NOL4L: variants seen among roughly 807,000 people sequenced by gnomAD.
NOL4L encodes nucleolar protein 4-like.
A neutral mutation model predicts 64.5 loss-of-function variants in NOL4L; 7 were observed. That is an observed-to-expected ratio of 0.11 (90% CI 0.06 to 0.20). The LOEUF is 0.20. Ranked by LOEUF, NOL4L falls within the 10% of genes least tolerant of loss-of-function variation. The probability of loss-of-function intolerance (pLI) is 1.00; values close to 1 mark genes in which losing one functional copy is unlikely to be tolerated. For synonymous variants in NOL4L, 413 were observed against 401.0 expected, an observed-to-expected ratio of 1.03 and a Z score of -0.36; for missense variants, 680 against 967.1, an observed-to-expected ratio of 0.70 and a Z score of 3.94.
rs551428318 is a variant in NOL4L at position 32,465,178 on chromosome 20, C to T, written c.842-8783G>A. On this transcript the variant is annotated intron_variant, in intron 5 of 10. Transcript: ENST00000621426. ...TGGACACCAATTATGCGTCAGGTCCCGAGTGTCAGGCGGCGGGTAACTCAT... is the reference window on the plus strand; with the variant it reads ...TGGACACCAATTATGCGTCAGGTCCTGAGTGTCAGGCGGCGGGTAACTCAT... 319 of 463,426 alleles carry T rather than the reference C, an allele frequency of 6.9e-4. 2 individuals are homozygous for T. The highest frequency in any genetic ancestry group is 5.4e-3 in the African/African-American group (263 of 49,018). 28.7% of individuals were successfully genotyped at this position (463,426 alleles called of 1,614,324 possible). A position where few individuals can be genotyped will look rare whatever the true frequency, so the allele number is the denominator to read the frequency against.
At chr20:32,467,833 T>C (rs1408125299) in intron 5 of NOL4L, among the ~76,000 whole-genome samples, 1 of 152,114 alleles carries the variant, frequency 6.6e-6, no homozygotes, top group Non-Finnish European at 1.5e-5. Flanking sequence ...CCTGCAGACC[T>C]CTTGGAGGCC....
Position 32,487,280 on chromosome 20 carries a change from AAG to A in NOL4L, c.700-12540_700-12539del, listed in dbSNP as rs551125163. On this transcript the variant is annotated intron_variant, in intron 4 of 10. Coordinates refer to ENST00000621426, the MANE Select transcript of NOL4L (RefSeq NM_001256798.2). ...CGAAACTCCATCTCAAAAAAAATTA[AAG>A]AGAGAGAAATAACAACTAAACTTAA... is the stretch of plus-strand genomic sequence containing the variant. Among the ~76,000 whole-genome samples the A allele has an allele frequency of 1.5e-3, 227 of 152,160 alleles. 2 individuals are homozygous for A. The highest frequency in any genetic ancestry group is 4.9e-3 in the African/African-American group (204 of 41,488).
At chr20:32,570,762 C>T (rs1305551166) in intron 1 of NOL4L, among the ~76,000 whole-genome samples, 1 of 152,116 alleles carries the variant, frequency 6.6e-6, no homozygotes, top group Non-Finnish European at 1.5e-5. Context: ...GGGAGCTGGG[C>T]ATTTAAAACT....
At chr20:32,488,840 T>C (rs1274040251) in intron 4 of NOL4L, among the ~76,000 whole-genome samples, 5 of 80,176 alleles carry the variant, frequency 6.2e-5, no homozygotes, top group African/African-American at 2.7e-4. Flanking sequence ...TCTTTCTTTC[T>C]TTCTTTCTTT....
intron 4 of NOL4L, among the ~76,000 whole-genome samples, chr20:32,489,377 C>G (rs2016362674): frequency 6.6e-6 from 1 of 151,426 alleles, no homozygotes; most frequent in South Asian, 2.1e-4. Flanking sequence ...ATTTTTGAAA[C>G]AGGGTCTCAC....
At chr20:32,547,097 C>T (rs910459031) in intron 1 of NOL4L, among the ~76,000 whole-genome samples, 3 of 152,234 alleles carry the variant, frequency 2.0e-5, no homozygotes, top group Non-Finnish European at 2.9e-5. Context: ...CATGTGCTTA[C>T]TGTGTGCCTC....
At chr20:32,487,937 T>TTTTTA (rs2016162746) in intron 4 of NOL4L, among the ~76,000 whole-genome samples, 1 of 129,692 alleles carries the variant, frequency 7.7e-6, no homozygotes, top group African/African-American at 3.7e-5. Flanking sequence ...TGGTTTTATT[T>TTTTTA]TTTTTTTTTT....
chr20:32,494,264 A>C (rs953830758), intron 4 of NOL4L, among the ~76,000 whole-genome samples: 2 of 136,174 alleles, frequency 1.5e-5, no homozygotes, highest in Non-Finnish European at 3.1e-5. Context: ...AAAAAAAAAA[A>C]AAAAAAAAAA....
At chr20:32,484,268 C>T (rs949831590) in intron 4 of NOL4L, among the ~76,000 whole-genome samples, 4 of 152,058 alleles carry the variant, frequency 2.6e-5, no homozygotes, top group African/African-American at 9.7e-5. Flanking sequence ...GAGCGAGACC[C>T]CGGGCTGGGA....
At chr20:32,455,696 C>T (rs1392714728) in intron 6 of NOL4L, among the ~76,000 whole-genome samples, 4 of 152,232 alleles carry the variant, frequency 2.6e-5, no homozygotes, top group Admixed American at 6.5e-5. Context: ...CCTGGGCCCT[C>T]GCCCTTTTTT....
chr20:32,583,332 G>C (rs983167149), intron 1 of NOL4L, among the ~76,000 whole-genome samples: 2 of 150,750 alleles, frequency 1.3e-5, no homozygotes, highest in South Asian at 4.2e-4. Context: ...GGCCGCGGAG[G>C]GGGAGGGGGA....
rs544973698 is a variant in NOL4L, at chr20:32,558,793, T to C, written c.321+25777A>G. On this transcript the variant is annotated intron_variant, in intron 1 of 10. Coordinates refer to ENST00000621426, the MANE Select transcript of NOL4L (RefSeq NM_001256798.2). ...GAGCCCCTGGGGAGCCCCTGAAGGG[T>C]TTTAGGCTAGGAACTGATGATGTGT... Among the ~76,000 whole-genome samples the C allele has an allele frequency of 7.9e-5, 12 of 150,980 alleles. No individual in the cohort carries two copies. The South Asian group carries it at 2.1e-3, about 27-fold the overall frequency.
Position 32,446,698 on chromosome 20 carries a change from T to TA in NOL4L, c.*897dup, listed in dbSNP as rs2012348430. 6.5e-6 allele frequency: 1 copy of TA among 154,698 alleles called. No individual in the cohort carries two copies. The highest frequency in any genetic ancestry group is 2.4e-5 in the African/African-American group (1 of 41,400). 9.6% of individuals were successfully genotyped at this position (154,698 alleles called of 1,614,324 possible). ...AGCTCCTGGACACCCAGTCTGGACT[T>TA]ACTTACCTCCCAGGCAGACACATTG... is the stretch of plus-strand genomic sequence containing the variant. On this transcript the variant is annotated 3_prime_UTR_variant, in exon 11 of 11. Coordinates refer to ENST00000621426, the MANE Select transcript of NOL4L (RefSeq NM_001256798.2).
rs1309269315 is a variant in NOL4L at position 32,486,681 on chromosome 20, G to A, written c.700-11939C>T. Reference sequence around the variant, plus strand: ...CCCCACAAATGACTTATTAATGACAGAGAAGAAAATGTACCTGCAATGGGG... The same window carrying A: ...CCCCACAAATGACTTATTAATGACAAAGAAGAAAATGTACCTGCAATGGGG... On this transcript the variant is annotated intron_variant, in intron 4 of 10. Transcript: ENST00000621426. 6 of 465,574 alleles carry A rather than the reference G, an allele frequency of 1.3e-5. No homozygotes were observed. The East Asian group carries it at 2.8e-4, about 22-fold the overall frequency. The allele number at this position is 465,574 out of a possible 1,614,324, so 28.8% of individuals were successfully genotyped here. A position where few individuals can be genotyped will look rare whatever the true frequency, so the allele number is the denominator to read the frequency against.
chr20:32,487,934 A>ATTTTTT (rs36085049), intron 4 of NOL4L, among the ~76,000 whole-genome samples: 1 of 105,976 alleles, frequency 9.4e-6, no homozygotes, highest in African/African-American at 3.5e-5. Flanking sequence ...TGTTGGTTTT[A>ATTTTTT]TTTTTTTTTT....
chr20:32,461,583 T>C (rs6141728), intron 5 of NOL4L, among the ~76,000 whole-genome samples: 54,681 of 150,678 alleles, frequency 0.36, 10,977 homozygotes, highest in East Asian at 0.82. Context: ...CCACCACGCC[T>C]GGCTAATTTT....
At chr20:32,489,221 C>T (rs1221903172) in intron 4 of NOL4L, among the ~76,000 whole-genome samples, 1 of 150,282 alleles carries the variant, frequency 6.7e-6, no homozygotes, top group East Asian at 2.0e-4. Flanking sequence ...ATATTTTCTT[C>T]TGGAAACTTT....
intron 4 of NOL4L, among the ~76,000 whole-genome samples, chr20:32,476,385 C>A (rs1210389316): frequency 6.6e-6 from 1 of 152,170 alleles, no homozygotes; most frequent in East Asian, 1.9e-4. Context: ...CAAGGTGCAG[C>A]CGGCTCCCCA....
intron 2 of NOL4L, among the ~76,000 whole-genome samples, chr20:32,523,966 T>C (rs1158077437): frequency 1.3e-5 from 2 of 152,164 alleles, no homozygotes; most frequent in Non-Finnish European, 2.9e-5. Flanking sequence ...AGATCCTCCT[T>C]CTGCCCTGAG....
Sources: allele counts gnomAD v4.1 joint callset (sites outside exome capture counted in the v4.1 genomes callset), GRCh38; gene constraint gnomAD v4.1.1; transcripts MANE v1.5; gene names NCBI Gene and HGNC (gene_info 2026-07-23, HGNC 2026-07-21).